Variants in KCNMA1 observed in about 807,000 individuals in gnomAD.
KCNMA1 encodes the protein Calcium-activated potassium channel subunit alpha-1.
In KCNMA1, 29 loss-of-function variants were observed where a neutral mutation model predicts 140.0. That is an observed-to-expected ratio of 0.21 (90% CI 0.15 to 0.28). KCNMA1 has a LOEUF of 0.28. Ranked by LOEUF, KCNMA1 falls within the 10% of genes least tolerant of loss-of-function variation. KCNMA1 has a pLI of 1.00. For missense variants in KCNMA1, 880 were observed against 1,602.2 expected, an observed-to-expected ratio of 0.55 and a Z score of 7.70; for synonymous variants, 612 against 611.9, an observed-to-expected ratio of 1.00 and a Z score of 0.00.
At chr10:77,476,603 T>C (rs746666160) in intron 1 of KCNMA1, among the ~76,000 whole-genome samples, 2 of 152,124 alleles carry the variant, frequency 1.3e-5, no homozygotes, top group Non-Finnish European at 2.9e-5. Context: ...AGGCTGCAAA[T>C]AAGGATTTAA....
intron 1 of KCNMA1, among the ~76,000 whole-genome samples, chr10:77,627,411 A>G (rs994178995): frequency 6.6e-6 from 1 of 152,198 alleles, no homozygotes; most frequent in African/African-American, 2.4e-5. Context: ...GCCTCCAGTC[A>G]CAGCTGCTGA....
intron 15 of KCNMA1, chr10:77,039,289 G>A: frequency 1.7e-6 from 1 of 588,378 alleles, no homozygotes; most frequent in Middle Eastern, 4.6e-4. Flanking sequence ...TAGCATAAAT[G>A]ATGAATTCAA....
intron 1 of KCNMA1, among the ~76,000 whole-genome samples, chr10:77,539,777 G>A (rs1374485162): frequency 2.0e-5 from 3 of 152,168 alleles, no homozygotes. Context: ...AGAAAGCAAA[G>A]CAAAACTTGC....
At chr10:77,622,645 C>G (rs1236161028) in intron 1 of KCNMA1, among the ~76,000 whole-genome samples, 2 of 152,188 alleles carry the variant, frequency 1.3e-5, no homozygotes, top group African/African-American at 4.8e-5. Flanking sequence ...TCTATGCATC[C>G]ATTTTCTAAC....
chr10:77,371,458 C>T (rs2094711007), intron 2 of KCNMA1, among the ~76,000 whole-genome samples: 1 of 152,116 alleles, frequency 6.6e-6, no homozygotes, highest in Admixed American at 6.5e-5. Flanking sequence ...AGTCTTGACC[C>T]CTGGGCTGAT....
chr10:77,225,033 G>A (rs543939605), intron 3 of KCNMA1, among the ~76,000 whole-genome samples: 2 of 152,174 alleles, frequency 1.3e-5, no homozygotes, highest in Admixed American at 6.5e-5. Context: ...AGAGCATGGT[G>A]CAGAAAAGGC....
chr10:77,173,849 T>A (rs770224907), intron 5 of KCNMA1, among the ~76,000 whole-genome samples: 2 of 152,088 alleles, frequency 1.3e-5, no homozygotes, highest in African/African-American at 2.4e-5. Context: ...GCACTGTCAC[T>A]GAGAAGCAAC....
At chr10:77,625,914 G>A (rs889424385) in intron 1 of KCNMA1, among the ~76,000 whole-genome samples, 1 of 152,136 alleles carries the variant, frequency 6.6e-6, no homozygotes, top group South Asian at 2.1e-4. Context: ...AATTTGTTTT[G>A]AGAAACTGCC....
intron 1 of KCNMA1, among the ~76,000 whole-genome samples, chr10:77,545,203 C>A (rs954758145): frequency 6.6e-6 from 1 of 152,206 alleles, no homozygotes; most frequent in African/African-American, 2.4e-5. Flanking sequence ...AGACAACTCC[C>A]AACTCCCTGG....
At chr10:76,965,781 T>C (rs1464422142) in intron 20 of KCNMA1, among the ~76,000 whole-genome samples, 1 of 152,038 alleles carries the variant, frequency 6.6e-6, no homozygotes, top group Non-Finnish European at 1.5e-5. Context: ...ACTTATAGAG[T>C]TGTAGTTAGG....
At chr10:77,160,154 A>C (rs577367413) in intron 5 of KCNMA1, among the ~76,000 whole-genome samples, 4 of 152,260 alleles carry the variant, frequency 2.6e-5, no homozygotes, top group Admixed American at 2.0e-4. Context: ...CAACGGAGTA[A>C]GTCCTGCCCC....
intron 9 of KCNMA1, among the ~76,000 whole-genome samples, chr10:77,094,999 C>A (rs1027267375): frequency 6.6e-6 from 1 of 152,010 alleles, no homozygotes; most frequent in Non-Finnish European, 1.5e-5. Context: ...CGCGCCCTAC[C>A]CCAAATGTCT....
intron 15 of KCNMA1, among the ~76,000 whole-genome samples, chr10:77,029,881 A>C (rs1172899858): frequency 6.6e-6 from 1 of 152,138 alleles, no homozygotes; most frequent in Non-Finnish European, 1.5e-5. Context: ...TCAGGAAATG[A>C]GGGGGGAGCA....
At chr10:77,150,155 A>T (rs1453647068) in intron 5 of KCNMA1, 1 of 152,224 alleles carries the variant, frequency 6.6e-6, no homozygotes, top group Admixed American at 6.5e-5. Context: ...GAGGATGTAA[A>T]TGAACACCAT....
chr10:76,922,125 A>G (rs144506275), intron 23 of KCNMA1, among the ~76,000 whole-genome samples: 8 of 152,310 alleles, frequency 5.3e-5, no homozygotes, highest in African/African-American at 1.9e-4. Context: ...CTGTATAAAC[A>G]GATAATTCTG....
At chr10:76,971,177 C>G (rs1363546948) in intron 19 of KCNMA1, among the ~76,000 whole-genome samples, 1 of 152,142 alleles carries the variant, frequency 6.6e-6, no homozygotes, top group Non-Finnish European at 1.5e-5. Context: ...TTGACTGCAA[C>G]ACAGACTAGG....
rs1187481233 is a variant in KCNMA1 at position 76,891,796 on chromosome 10, C to G, written c.3148-77G>C. ...GTCATGACAGCCGACATCCAAATTA[C>G]AACTTTTCTTGGTATCTCCTGTTTA... On this transcript the variant is annotated intron_variant, in intron 25 of 27. Transcript: ENST00000286628. 3 of 1,248,514 alleles carry G rather than the reference C, an allele frequency of 2.4e-6. No homozygotes were observed. In the East Asian group the frequency reaches 6.9e-5, roughly 29 times the overall value. 77.3% of individuals were successfully genotyped at this position (1,248,514 alleles called of 1,614,324 possible).
At chr10:77,074,959 C>T (rs185053772) in intron 13 of KCNMA1, among the ~76,000 whole-genome samples, 1 of 152,322 alleles carries the variant, frequency 6.6e-6, no homozygotes, top group African/African-American at 2.4e-5. Flanking sequence ...ATGGAAGACT[C>T]CATTGTGAAA....
At chr10:77,444,178 C>G (rs1006400588) in intron 1 of KCNMA1, among the ~76,000 whole-genome samples, 3 of 152,030 alleles carry the variant, frequency 2.0e-5, no homozygotes, top group African/African-American at 7.2e-5. Context: ...TGCAAAGGAC[C>G]GTTTTGAGAC....
Sources: allele counts gnomAD v4.1 joint callset (sites outside exome capture counted in the v4.1 genomes callset), GRCh38; gene constraint gnomAD v4.1.1; transcripts MANE v1.5; gene names NCBI Gene and HGNC (gene_info 2026-07-23, HGNC 2026-07-21).